TRIML2: variants seen among roughly 807,000 people sequenced by gnomAD.
TRIML2 encodes tripartite motif family like 2.
A neutral mutation model predicts 31.2 loss-of-function variants in TRIML2; 28 were observed. That is an observed-to-expected ratio of 0.90 (90% CI 0.66 to 1.23). The LOEUF is 1.23. TRIML2 is among the 50% of genes most tolerant of loss of function. TRIML2 has a pLI of 0.00. For synonymous variants in TRIML2, 187 were observed against 197.5 expected, an observed-to-expected ratio of 0.95 and a Z score of 0.45; for missense variants, 536 against 528.3, an observed-to-expected ratio of 1.01 and a Z score of -0.14.
At position 188,091,424 on chromosome 4, in the gene TRIML2, G is replaced by A; in HGVS notation, c.1263C>T (p.Ser421=). The change falls in exon 8 of 8, where the codon TCC becomes TCT. Residue 421 remains serine, a synonymous_variant. Transcript: ENST00000682553. The part of the protein sequence containing the change: ...CIPNGDTSPD[S]LTILQHGPSC... ...AAGGACCATGTTGTAAGATGGTGAG[G>A]GAGTCTGGACTTGTGTCTCCATTTG... 2 of 1,614,138 alleles carry A rather than the reference G, an allele frequency of 1.2e-6. No homozygotes were observed. The highest frequency in any genetic ancestry group is 1.7e-6 in the Non-Finnish European group (2 of 1,180,032).
chr4:188,094,305 C>T (rs1389346953), intron 7 of TRIML2, among the ~76,000 whole-genome samples: 1 of 152,088 alleles, frequency 6.6e-6, no homozygotes, highest in African/African-American at 2.4e-5. Context: ...TCAGAAAAGG[C>T]TTACAGACTG....
At chr4:188,097,186 C>A in intron 6 of TRIML2, 25 bp from the exon 7 acceptor site, 1 of 1,608,936 alleles carries the variant, frequency 6.2e-7, no homozygotes, top group South Asian at 1.1e-5. Flanking sequence ...CAGCCTCAGT[C>A]ATCTGCACAG....
intron 5 of TRIML2, chr4:188,098,325 C>A: frequency 2.4e-6 from 1 of 420,386 alleles, no homozygotes. Flanking sequence ...TCCTAGGTAG[C>A]CTCCATCTCC....
intron 7 of TRIML2, among the ~76,000 whole-genome samples, chr4:188,094,965 C>T (rs529613521): frequency 2.5e-4 from 38 of 152,274 alleles, no homozygotes; most frequent in African/African-American, 6.3e-4. Flanking sequence ...CACAAATAGA[C>T]GTGATCGCAT....
intron 1 of TRIML2, 58 bp downstream of exon 1, chr4:188,109,185 T>G (rs1734145720): frequency 6.6e-6 from 1 of 151,724 alleles, no homozygotes; most frequent in Admixed American, 6.6e-5. Flanking sequence ...AAGATCAAGT[T>G]TAGAAATCTA....
Position 188,101,156 on chromosome 4 carries a change from T to G in TRIML2, c.380A>C (p.Gln127Pro). 1 of 1,613,948 alleles carries G rather than the reference T, an allele frequency of 6.2e-7. No individual in the cohort carries two copies. The highest frequency in any genetic ancestry group is 1.1e-5 in the South Asian group (1 of 91,072). ...GTTCAAGTCAGATATGCATTCCTGC[T>G]GTCTCTGGAGATTCTGCTCACACTC... is the stretch of plus-strand genomic sequence containing the variant. ...NEECEQNLQR[Q>P]QECISDLNLR... is the part of the protein sequence containing the mutation. Residue 127 changes from glutamine (Q) to proline (P), a missense_variant, in exon 4 of 8, where the codon CAG becomes CCG. By Grantham distance (76) the Gln-to-Pro change is moderately conservative (BLOSUM62 -1). Coordinates refer to ENST00000682553, the MANE Select transcript of TRIML2 (RefSeq NM_173553.4).
At chr4:188,101,348 T>A in intron 3 of TRIML2, 98 bp from the exon 4 acceptor site, 1 of 628,648 alleles carries the variant, frequency 1.6e-6, no homozygotes, top group Admixed American at 3.2e-5. Flanking sequence ...TATATATAGA[T>A]ATATATATCT....
intron 7 of TRIML2, among the ~76,000 whole-genome samples, chr4:188,094,583 C>T (rs1733418525): frequency 6.6e-6 from 1 of 152,126 alleles, no homozygotes; most frequent in Non-Finnish European, 1.5e-5. Context: ...TCTCCAAATA[C>T]ATATAACATT....
intron 1 of TRIML2, 44 bp downstream of exon 1, chr4:188,109,199 A>G (rs6811699): frequency 0.49 from 73,385 of 150,814 alleles, 18,749 homozygotes; most frequent in South Asian, 0.6. Context: ...AAATCTAAAG[A>G]AACAATTATT....
chr4:188,098,915 T>C, intron 5 of TRIML2, 120 bp downstream of exon 5: 1 of 1,173,948 alleles, frequency 8.5e-7, no homozygotes, highest in Non-Finnish European at 1.2e-6. Context: ...CATGTAGCCT[T>C]CTTTTGTGGT....
chr4:188,101,955 C>A (rs1275613907), intron 3 of TRIML2, among the ~76,000 whole-genome samples: 1 of 151,332 alleles, frequency 6.6e-6, no homozygotes, highest in East Asian at 2.0e-4. Context: ...ACGGTGAAAC[C>A]CCGTCTCTAC....
chr4:188,106,056 T>TG (rs1173002725), intron 1 of TRIML2: 1 of 93,340 alleles, frequency 1.1e-5, no homozygotes, highest in Admixed American at 8.2e-5. Context: ...CAGCTCCTCT[T>TG]TTTTTTTTTT....
chr4:188,101,197 G>T lies in TRIML2; in HGVS notation c.339C>A (p.Leu113=). The T allele has an allele frequency of 6.2e-7, 1 of 1,613,250 alleles. No individual in the cohort carries two copies. The highest frequency in any genetic ancestry group is 8.5e-7 in the Non-Finnish European group (1 of 1,179,896). ...GCTCACACTCTTCATTCAACAACCG[G>T]AGTCTCATACTATACTCAGACTCAA... is the stretch of plus-strand genomic sequence containing the variant. ...KMIESEYSMR[L]RLLNEECEQN... Residue 113 remains leucine, a synonymous_variant, in exon 4 of 8, where the codon CTC becomes CTA. Transcript: ENST00000682553.
intron 1 of TRIML2, among the ~76,000 whole-genome samples, chr4:188,107,663 C>T (rs1375246785): frequency 1.3e-5 from 2 of 152,198 alleles, no homozygotes; most frequent in South Asian, 4.1e-4. Context: ...CAACTTCCAT[C>T]TGTTATATTA....
intron 4 of TRIML2, 87 bp downstream of exon 4, chr4:188,100,969 T>C: frequency 8.0e-7 from 1 of 1,242,926 alleles, no homozygotes; most frequent in Non-Finnish European, 1.1e-6. Flanking sequence ...TGGTTGTCAC[T>C]GGCTATGTTA....
intron 3 of TRIML2, among the ~76,000 whole-genome samples, chr4:188,102,417 A>G (rs1733839207): frequency 6.6e-6 from 1 of 152,194 alleles, no homozygotes; most frequent in Admixed American, 6.5e-5. Flanking sequence ...GATGAATTTG[A>G]TTAGTCAATT....
chr4:188,099,649 G>A (rs1364186997), intron 4 of TRIML2, among the ~76,000 whole-genome samples: 2 of 151,874 alleles, frequency 1.3e-5, no homozygotes. Flanking sequence ...ATTAGGCAAG[G>A]CCATGATATT....
At chr4:188,105,129 C>T in intron 2 of TRIML2, 51 bp downstream of exon 2, 3 of 1,560,374 alleles carry the variant, frequency 1.9e-6, no homozygotes, top group Non-Finnish European at 2.6e-6. Flanking sequence ...TCCATTTCAT[C>T]CATATAGGAG....
At chr4:188,093,097 T>G (rs1245438311) in intron 7 of TRIML2, 2 of 341,566 alleles carry the variant, frequency 5.9e-6, no homozygotes, top group African/African-American at 4.3e-5. Context: ...GCCAGCCCTC[T>G]GCAGTCTCTA....
Sources: allele counts gnomAD v4.1 joint callset (sites outside exome capture counted in the v4.1 genomes callset), GRCh38; gene constraint gnomAD v4.1.1; transcripts MANE v1.5; gene names NCBI Gene and HGNC (gene_info 2026-07-23, HGNC 2026-07-21).